The following TSNARE1 variants were observed in gnomAD, a reference collection of about 807,000 sequenced individuals.
The protein encoded by TSNARE1 is t-SNARE domain containing 1.
Under a neutral mutation model 62.0 loss-of-function variants are expected in TSNARE1, and 49 were observed. The observed-to-expected ratio is 0.79, with a 90% CI of 0.63 to 1.00. The LOEUF is 1.00. TSNARE1 is among the 50% of genes least tolerant of loss of function. The pLI, the probability that TSNARE1 is intolerant of heterozygous loss-of-function variation, is 0.00. For synonymous variants in TSNARE1, 328 were observed against 294.4 expected (o/e 1.11, Z -1.17); for missense variants, 755 against 700.1 (o/e 1.08, Z -0.88).
chr8:142,280,484 C>T (rs910112753), intron 11 of TSNARE1, among the ~76,000 whole-genome samples: 1 of 152,160 alleles, frequency 6.6e-6, no homozygotes, highest in Admixed American at 6.5e-5. Flanking sequence ...AGGGGCCCTT[C>T]TGTCTCAGCT....
chr8:142,287,797 C>T (rs1823012319), intron 10 of TSNARE1, among the ~76,000 whole-genome samples: 1 of 148,658 alleles, frequency 6.7e-6, no homozygotes, highest in South Asian at 2.2e-4. Context: ...CAGTGGGCCA[C>T]CCTCCAGGAT....
At chr8:142,275,462 C>A (rs1043989767) in intron 11 of TSNARE1, 14 of 985,302 alleles carry the variant, frequency 1.4e-5, no homozygotes, top group African/African-American at 3.5e-5. Flanking sequence ...GAAGCCACAT[C>A]AGCAGGGCCC....
intron 10 of TSNARE1, among the ~76,000 whole-genome samples, chr8:142,289,914 C>T (rs770907441): frequency 6.6e-6 from 1 of 152,140 alleles, no homozygotes; most frequent in Non-Finnish European, 1.5e-5. Flanking sequence ...ATGGTGCAGG[C>T]AGATCCCAAG....
Position 142,314,989 on chromosome 8 carries a change from C to T in TSNARE1, c.1074+14G>A, listed in dbSNP as rs117247571. 6.2e-7 allele frequency: 1 copy of T among 1,613,980 alleles called. No individual in the cohort carries two copies. Among genetic ancestry groups the T allele is most frequent in the South Asian group, 1.1e-5 (1 of 91,082 alleles). ...CTGGCCTGCAGACCCCCACTGCCCC[C>T]ACCAGCACCTCACCTTCTGCACCAC... is the stretch of plus-strand genomic sequence containing the variant. On this transcript the variant is annotated intron_variant, in intron 8 of 13. Coordinates refer to ENST00000524325, the MANE Select transcript of TSNARE1 (RefSeq NM_145003.5).
At chr8:142,348,900 C>G (rs1297576751) in intron 2 of TSNARE1, among the ~76,000 whole-genome samples, 4 of 152,150 alleles carry the variant, frequency 2.6e-5, no homozygotes, top group African/African-American at 9.7e-5. Flanking sequence ...GACACGACGG[C>G]CCTAAGGTGC....
chr8:142,294,546 C>T (rs1824361983), intron 10 of TSNARE1, among the ~76,000 whole-genome samples: 1 of 152,194 alleles, frequency 6.6e-6, no homozygotes, highest in Non-Finnish European at 1.5e-5. Flanking sequence ...TGGCCGTGGG[C>T]ACCCTGCCTC....
In TSNARE1 at chr8:142,300,508, T is replaced by A. The variant is rs775216316; in HGVS notation, c.1268A>T (p.Glu423Val). ...EEDLEAIRLR[E>V]EAILQMESNL... The stretch of plus-strand genomic sequence containing the variant: ...CACCTCCATCTGCAGGATGGCCTCC[T>A]CCCGCAGCCGGATGGCCTCCAGGTC... Residue 423 changes from glutamate (E) to valine (V), a missense_variant, in exon 10 of 14, where the codon GAG (glutamate) becomes GTG (valine). Coordinates refer to ENST00000524325, the MANE Select transcript of TSNARE1 (RefSeq NM_145003.5). The A allele has an allele frequency of 6.2e-7, 1 of 1,606,972 alleles. No individual in the cohort carries two copies. The highest frequency in any genetic ancestry group is 8.5e-7 in the Non-Finnish European group (1 of 1,179,322).
intron 9 of TSNARE1, among the ~76,000 whole-genome samples, chr8:142,300,979 C>T (rs1248590010): frequency 2.0e-5 from 3 of 149,494 alleles, no homozygotes; most frequent in African/African-American, 5.0e-5. Context: ...GTCCATGCTG[C>T]GGCCGCCCCC....
At chr8:142,271,769 G>A in intron 12 of TSNARE1, 3 of 1,083,592 alleles carry the variant, frequency 2.8e-6, no homozygotes, top group Non-Finnish European at 3.6e-6. Flanking sequence ...GGTGCAGGGA[G>A]AGTGCCCATG....
At chr8:142,230,767 A>ACCAT (rs71313213) in intron 12 of TSNARE1, among the ~76,000 whole-genome samples, 158 of 148,694 alleles carry the variant, frequency 1.1e-3, no homozygotes, top group African/African-American at 3.4e-3. Flanking sequence ...CATTAATGCA[A>ACCAT]CCATCCATCC....
intron 12 of TSNARE1, 24 bp from the exon 13 acceptor site, chr8:142,229,603 TC>T (rs746981017): frequency 6.2e-7 from 1 of 1,608,266 alleles, no homozygotes; most frequent in Admixed American, 1.7e-5. Flanking sequence ...AGAGGTTGTT[TC>T]CATATCCTGG....
chr8:142,379,643 G>C lies in TSNARE1; in HGVS notation c.-40+23461C>G, dbSNP rs144262385. On this transcript the variant is annotated intron_variant, in intron 1 of 13. Transcript: ENST00000524325. The stretch of plus-strand genomic sequence containing the variant: ...CCTTCTCTGCCTGACGGGGAGGCGC[G>C]AGACCACACAAAGGAGAAGAGAGAC... 2.0e-5 allele frequency among the ~76,000 whole-genome samples: 3 copies of C among 152,210 alleles called. No homozygotes were observed. In the East Asian group the frequency reaches 5.8e-4, roughly 29 times the overall value.
At chr8:142,350,258 A>T (rs1314950910) in intron 2 of TSNARE1, among the ~76,000 whole-genome samples, 1 of 152,216 alleles carries the variant, frequency 6.6e-6, no homozygotes, top group Non-Finnish European at 1.5e-5. Context: ...CGGCTTCTGC[A>T]TCTGCATCTT....
At chr8:142,406,904 T>C (rs1006521861), upstream of TSNARE1, 9 of 152,270 alleles carry the variant, frequency 5.9e-5, no homozygotes, top group East Asian at 1.7e-3. Flanking sequence ...AGACTCAGTC[T>C]GCGTCATCAG....
intron 10 of TSNARE1, among the ~76,000 whole-genome samples, chr8:142,285,229 T>C (rs910035436): frequency 7.0e-6 from 1 of 142,456 alleles, no homozygotes; most frequent in Admixed American, 7.0e-5. Context: ...AATGGGTGGA[T>C]GGATGGATGG....
At chr8:142,294,049 C>T (rs1824258815) in intron 10 of TSNARE1, among the ~76,000 whole-genome samples, 1 of 152,124 alleles carries the variant, frequency 6.6e-6, no homozygotes, top group South Asian at 2.1e-4. Flanking sequence ...CACCCAGGGG[C>T]CACGAGGAGA....
Position 142,300,619 on chromosome 8 carries a change from A to G in TSNARE1, c.1157T>C (p.Leu386Pro). The change falls in exon 10 of 14, where the codon CTG (leucine) becomes CCG (proline). Residue 386 changes from leucine to proline, a missense_variant. Coordinates refer to ENST00000524325, the MANE Select transcript of TSNARE1 (RefSeq NM_145003.5). ...GTTAAAGACCTTCTCATCATCAGCC[A>G]GCTCGGCAAACGGGGCCTGGGGACT... is the stretch of plus-strand genomic sequence containing the variant. ...KQSPQAPFAE[L>P]ADDEKVFNGS... 1 of 1,613,718 alleles carries G rather than the reference A, an allele frequency of 6.2e-7. No individual in the cohort carries two copies. The highest frequency in any genetic ancestry group is 8.5e-7 in the Non-Finnish European group (1 of 1,179,926).
intron 1 of TSNARE1, among the ~76,000 whole-genome samples, chr8:142,363,839 CG>C (rs1232188326): frequency 6.6e-6 from 1 of 152,132 alleles, no homozygotes; most frequent in Non-Finnish European, 1.5e-5. Flanking sequence ...CGCAAGAGAC[CG>C]GGATACCCAA....
At chr8:142,263,224 G>T (rs1371627741) in intron 12 of TSNARE1, among the ~76,000 whole-genome samples, 1 of 152,068 alleles carries the variant, frequency 6.6e-6, no homozygotes, top group Admixed American at 6.5e-5. Context: ...AATATGAATG[G>T]GTATTCAATT....
Sources: allele counts gnomAD v4.1 joint callset (sites outside exome capture counted in the v4.1 genomes callset), GRCh38; gene constraint gnomAD v4.1.1; transcripts MANE v1.5; gene names NCBI Gene and HGNC (gene_info 2026-07-23, HGNC 2026-07-21).